The following NME7 variants were observed in gnomAD, a reference collection of about 807,000 sequenced individuals.
NME7 encodes the protein NME/NM23 family member 7.
In NME7, 41 loss-of-function variants were observed where a neutral mutation model predicts 49.1. That is an observed-to-expected ratio of 0.83 (90% confidence interval 0.65 to 1.08). The LOEUF (loss-of-function observed/expected upper bound fraction) is 1.08, where lower values mean the gene tolerates loss of function less well. Among genes scored for constraint, NME7 ranks in the 50% least tolerant of loss-of-function variants. The pLI, the probability that NME7 is intolerant of heterozygous loss-of-function variation, is 0.00. For synonymous variants in NME7, 139 were observed against 150.6 expected, an observed-to-expected ratio of 0.92 and a Z score of 0.56; for missense variants, 423 against 463.4, an observed-to-expected ratio of 0.91 and a Z score of 0.80.
chr1:169,298,754 G>C lies in NME7; in HGVS notation c.450C>G (p.Ile150Met). The change falls in exon 6 of 12, where the codon ATC (isoleucine) becomes ATG (methionine). Residue 150 changes from isoleucine (I) to methionine (M), a missense_variant. Physicochemically the swap from Ile to Met is conservative, Grantham distance 10 (BLOSUM62 1). Coordinates refer to ENST00000367811, the MANE Select transcript of NME7 (RefSeq NM_013330.5). ...TAATAGGACCAGTTGTAATAAACTG[G>C]ATCAGCTCACTACAAAACAGATAGA... ...HQSRPFFNEL[I>M]QFITTGPIIA... 1.9e-6 allele frequency: 3 copies of C among 1,613,410 alleles called. No homozygotes were observed. The highest frequency in any genetic ancestry group is 2.5e-6 in the Non-Finnish European group (3 of 1,179,622).
At chr1:169,270,213 T>G (rs964356524) in intron 7 of NME7, among the ~76,000 whole-genome samples, 2 of 134,896 alleles carry the variant, frequency 1.5e-5, no homozygotes, top group Non-Finnish European at 3.5e-5. Context: ...TTATAAACAA[T>G]GCAGTAAAAT....
chr1:169,320,102 T>G (rs1651797672), intron 3 of NME7, among the ~76,000 whole-genome samples: 1 of 152,196 alleles, frequency 6.6e-6, no homozygotes, highest in Non-Finnish European at 1.5e-5. Context: ...AAACTTTAAT[T>G]ATTTCTGGTT....
chr1:169,176,955 A>G (rs892021104), intron 10 of NME7, among the ~76,000 whole-genome samples: 1 of 152,100 alleles, frequency 6.6e-6, no homozygotes, highest in East Asian at 1.9e-4. Context: ...AATACATTTT[A>G]AGACATTTAA....
At chr1:169,210,706 G>A (rs1432771804) in intron 10 of NME7, among the ~76,000 whole-genome samples, 4 of 151,608 alleles carry the variant, frequency 2.6e-5, no homozygotes, top group East Asian at 2.0e-4. Context: ...TGCCAGTTAC[G>A]TCATAATCAC....
chr1:169,227,595 C>A (rs1410498904), intron 10 of NME7, among the ~76,000 whole-genome samples: 3 of 152,138 alleles, frequency 2.0e-5, no homozygotes, highest in African/African-American at 7.2e-5. Flanking sequence ...TGTGTCATAA[C>A]ATGATGCATG....
At chr1:169,233,964 T>C (rs562219075) in intron 9 of NME7, among the ~76,000 whole-genome samples, 1 of 152,176 alleles carries the variant, frequency 6.6e-6, no homozygotes, top group East Asian at 1.9e-4. Context: ...TCTCCCTCCT[T>C]CCTTTTTTCT....
intron 3 of NME7, among the ~76,000 whole-genome samples, chr1:169,313,653 A>G (rs1165874016): frequency 1.3e-5 from 2 of 152,142 alleles, no homozygotes; most frequent in African/African-American, 2.4e-5. Flanking sequence ...CATGGCAATC[A>G]TATAGAAAGA....
At chr1:169,175,423 C>G (rs1659723483) in intron 10 of NME7, among the ~76,000 whole-genome samples, 1 of 151,994 alleles carries the variant, frequency 6.6e-6, no homozygotes, top group African/African-American at 2.4e-5. Context: ...AATATGTAAA[C>G]CAGTAACATA....
Position 169,256,717 on chromosome 1 carries a change from G to C in NME7, c.755-19030C>G, listed in dbSNP as rs552945690. ...GTTTTATCTACTTTTGGTCTTTGATGATGGTGATGTACAGATGGGTTTTTG... is the reference window on the plus strand; with the variant it reads ...GTTTTATCTACTTTTGGTCTTTGATCATGGTGATGTACAGATGGGTTTTTG... On this transcript the variant is annotated intron_variant, in intron 7 of 11. Coordinates refer to ENST00000367811, the MANE Select transcript of NME7 (RefSeq NM_013330.5). Among the ~76,000 whole-genome samples, 708 of 123,934 alleles carry C rather than the reference G, an allele frequency of 5.7e-3. 69 individuals are homozygous for C. The highest frequency in any genetic ancestry group is 0.018 in the African/African-American group (667 of 37,218). 81.3% of individuals were successfully genotyped at this position (123,934 alleles called of 152,430 possible). A position where few individuals can be genotyped will look rare whatever the true frequency, so the allele number is the denominator to read the frequency against.
chr1:169,346,760 T>A (rs1186465997), intron 1 of NME7, among the ~76,000 whole-genome samples: 1 of 152,234 alleles, frequency 6.6e-6, no homozygotes, highest in African/African-American at 2.4e-5. Flanking sequence ...GGTATATGCA[T>A]TGCATATATC....
chr1:169,279,052 C>T (rs1254089374), intron 7 of NME7, among the ~76,000 whole-genome samples: 1 of 152,114 alleles, frequency 6.6e-6, no homozygotes, highest in African/African-American at 2.4e-5. Flanking sequence ...GAAGTTTTGT[C>T]TCAGAGGAGT....
intron 4 of NME7, among the ~76,000 whole-genome samples, chr1:169,304,597 C>A (rs771744238): frequency 1.3e-5 from 2 of 151,932 alleles, no homozygotes; most frequent in Non-Finnish European, 2.9e-5. Flanking sequence ...TTTTCTAGAG[C>A]CAATTATAGC....
rs1356316473 is a variant in NME7, at chr1:169,184,799, T to C, written c.991-15245A>G. On this transcript the variant is annotated intron_variant, in intron 10 of 11. Coordinates refer to ENST00000367811, the MANE Select transcript of NME7 (RefSeq NM_013330.5). ...TAATAAACAGTCGGTGATGTGCTAG[T>C]AACTGTTTAACAGTTTTCAAAAAAC... Among the ~76,000 whole-genome samples, 4 of 152,330 alleles carry C rather than the reference T, an allele frequency of 2.6e-5. No homozygotes were observed. The East Asian group carries it at 5.8e-4, about 22-fold the overall frequency.
chr1:169,314,626 A>T lies in NME7; in HGVS notation c.279-4546T>A, dbSNP rs545145962. ...ATTATAAAACTGTATTTATAAAAAA[A>T]TTTTTTTAAAAAGATAATCTGATTG... On this transcript the variant is annotated intron_variant, in intron 3 of 11. Transcript: ENST00000367811. Among the ~76,000 whole-genome samples the T allele has an allele frequency of 1.9e-4, 29 of 152,200 alleles. 1 individual carries two copies. Among genetic ancestry groups the T allele is most frequent in the African/African-American group, 6.3e-4 (26 of 41,554 alleles).
intron 7 of NME7, among the ~76,000 whole-genome samples, chr1:169,243,582 T>G (rs985036487): frequency 6.6e-6 from 1 of 152,162 alleles, no homozygotes; most frequent in Non-Finnish European, 1.5e-5. Flanking sequence ...ACAAAGCCCA[T>G]GTGAATGGCA....
intron 3 of NME7, among the ~76,000 whole-genome samples, chr1:169,317,963 T>C (rs1389926042): frequency 6.6e-6 from 1 of 152,178 alleles, no homozygotes; most frequent in South Asian, 2.1e-4. Flanking sequence ...AAGTAGGGGA[T>C]AGTGTACAAG....
At chr1:169,134,956 C>T (rs1276799032) in intron 11 of NME7, among the ~76,000 whole-genome samples, 1 of 139,386 alleles carries the variant, frequency 7.2e-6, no homozygotes, top group East Asian at 2.1e-4. Flanking sequence ...TGGAGGATCA[C>T]TTGAGCCCAG....
chr1:169,174,677 A>G (rs1353017692), intron 10 of NME7, among the ~76,000 whole-genome samples: 6 of 152,200 alleles, frequency 3.9e-5, no homozygotes, highest in African/African-American at 1.2e-4. Context: ...TGAATATTGT[A>G]GGCAACTGTA....
At chr1:169,156,982 A>T (rs1468557382) in intron 11 of NME7, among the ~76,000 whole-genome samples, 4 of 152,242 alleles carry the variant, frequency 2.6e-5, no homozygotes, top group Non-Finnish European at 5.9e-5. Context: ...CGCTTTCCAC[A>T]TGCACATATT....
Sources: gnomAD v4.1 joint callset for allele counts (sites outside exome capture counted in the v4.1 genomes callset) on GRCh38, gnomAD v4.1.1 for gene constraint, MANE v1.5 for transcripts, NCBI Gene and HGNC (gene_info 2026-07-23, HGNC 2026-07-21) for gene names.